SHANK2: variants seen among roughly 807,000 people sequenced by gnomAD.
SHANK2 encodes the protein SH3 and multiple ankyrin repeat domains 2.
A neutral mutation model predicts 133.7 loss-of-function variants in SHANK2; 43 were observed. The observed-to-expected ratio is 0.32, with a 90% CI of 0.25 to 0.41. The LOEUF (loss-of-function observed/expected upper bound fraction) is 0.41, where lower values mean the gene tolerates loss of function less well. SHANK2 is among the 10% of genes least tolerant of loss of function. The pLI is 1.00. For missense variants in SHANK2, 1,994 were observed against 2,235.8 expected, an observed-to-expected ratio of 0.89 and a Z score of 2.18; for synonymous variants, 1,017 against 952.8, an observed-to-expected ratio of 1.07 and a Z score of -1.24.
At chr11:71,063,620 C>T (rs1323826872) in intron 9 of SHANK2, among the ~76,000 whole-genome samples, 2 of 152,164 alleles carry the variant, frequency 1.3e-5, no homozygotes, top group Non-Finnish European at 2.9e-5. Context: ...AACTGTGATC[C>T]AGGAGGTGCT....
At chr11:71,205,983 C>T (rs1044483601) in intron 2 of SHANK2, among the ~76,000 whole-genome samples, 10 of 152,168 alleles carry the variant, frequency 6.6e-5, no homozygotes, top group African/African-American at 2.4e-4. Flanking sequence ...GGGCTGAGCT[C>T]TCATCGGCCC....
intron 17 of SHANK2, among the ~76,000 whole-genome samples, chr11:70,555,421 T>G (rs1411373713): frequency 6.6e-6 from 1 of 152,190 alleles, no homozygotes; most frequent in Non-Finnish European, 1.5e-5. Context: ...AAGTTGTGAA[T>G]GTAAAGGAAA....
chr11:70,843,110 G>A (rs1046731280), intron 11 of SHANK2, among the ~76,000 whole-genome samples: 1 of 152,204 alleles, frequency 6.6e-6, no homozygotes, highest in South Asian at 2.1e-4. Context: ...GCCCAGAGCT[G>A]AGGCTGGAAG....
In SHANK2 at chr11:70,661,643, T is replaced by C; in HGVS notation, c.1889A>G (p.Gln630Arg). ...TCCAAAGCCCTCATTGTCTTTTTTCTGCAGGACCACCGTCTTCTCCTCAAT... is the reference window on the plus strand; with the variant it reads ...TCCAAAGCCCTCATTGTCTTTTTTCCGCAGGACCACCGTCTTCTCCTCAAT... Reference protein sequence around the residue: ...CIIEEKTVVLQKKDNEGFGFV... With the variant: ...CIIEEKTVVLRKKDNEGFGFV... The change falls in exon 16 of 26, where the codon CAG (glutamine) becomes CGG (arginine). Residue 630 changes from glutamine (Q) to arginine (R), a missense_variant. This residue lies in a region of SHANK2 where 14 missense variants were observed against 42.4 expected (regional missense o/e 0.33). Transcript: ENST00000601538. The C allele has an allele frequency of 1.2e-6, 2 of 1,614,096 alleles. No individual in the cohort carries two copies. The highest frequency in any genetic ancestry group is 1.7e-6 in the Non-Finnish European group (2 of 1,180,036).
chr11:70,757,848 G>A (rs1555039291), intron 14 of SHANK2, among the ~76,000 whole-genome samples: 1 of 152,130 alleles, frequency 6.6e-6, no homozygotes. Flanking sequence ...AATGTCCCAG[G>A]GTTGCTACAA....
intron 21 of SHANK2, among the ~76,000 whole-genome samples, chr11:70,499,555 G>GTTAGGTGA (rs2135805710): frequency 6.6e-6 from 1 of 152,358 alleles, no homozygotes; most frequent in East Asian, 1.9e-4. Flanking sequence ...ATCTTCCTCA[G>GTTAGGTGA]TTAGGTGATG....
At chr11:70,755,473 G>A (rs1458578007) in intron 14 of SHANK2, among the ~76,000 whole-genome samples, 1 of 152,228 alleles carries the variant, frequency 6.6e-6, no homozygotes, top group Admixed American at 6.5e-5. Context: ...CCTGCCCTGT[G>A]AGCGTCCAAC....
At chr11:71,127,441 C>T (rs1952213845) in intron 3 of SHANK2, among the ~76,000 whole-genome samples, 1 of 152,116 alleles carries the variant, frequency 6.6e-6, no homozygotes, top group Admixed American at 6.5e-5. Context: ...ACAGAGAAAT[C>T]GTTCGTGAGT....
intron 10 of SHANK2, among the ~76,000 whole-genome samples, chr11:70,953,580 C>T (rs1950875400): frequency 6.6e-6 from 1 of 152,070 alleles, no homozygotes; most frequent in Admixed American, 6.5e-5. Flanking sequence ...AAGCATCCAG[C>T]ATGGGAGGAA....
intron 17 of SHANK2, among the ~76,000 whole-genome samples, chr11:70,592,529 T>G (rs1262776023): frequency 6.6e-6 from 1 of 151,956 alleles, no homozygotes; most frequent in African/African-American, 2.4e-5. Context: ...GGAGTCTTTC[T>G]GAAGGCCGTG....
chr11:70,840,616 G>C (rs1421064110), intron 11 of SHANK2, among the ~76,000 whole-genome samples: 1 of 152,202 alleles, frequency 6.6e-6, no homozygotes, highest in African/African-American at 2.4e-5. Context: ...ACAAATAAAA[G>C]GGCACACAGC....
At chr11:71,157,983 G>A (rs575730105) in intron 2 of SHANK2, among the ~76,000 whole-genome samples, 1 of 152,270 alleles carries the variant, frequency 6.6e-6, no homozygotes, top group Admixed American at 6.5e-5. Flanking sequence ...AAGAGGCCCA[G>A]CCACGGACAG....
At chr11:71,177,646 T>C (rs1555113279) in intron 2 of SHANK2, among the ~76,000 whole-genome samples, 1 of 152,172 alleles carries the variant, frequency 6.6e-6, no homozygotes, top group Non-Finnish European at 1.5e-5. Flanking sequence ...AATAGTAAGA[T>C]GACAGATTTA....
At chr11:70,907,387 G>A (rs781808735) in intron 10 of SHANK2, among the ~76,000 whole-genome samples, 16 of 152,176 alleles carry the variant, frequency 1.1e-4, no homozygotes, top group South Asian at 2.1e-4. Context: ...AGCACTGTGC[G>A]GTGGTCAGGA....
chr11:71,138,790 C>CAA (rs58396625), intron 3 of SHANK2, among the ~76,000 whole-genome samples: 1,857 of 82,868 alleles, frequency 0.022, 32 homozygotes, highest in African/African-American at 0.041. Context: ...GACCCTATCT[C>CAA]AAAAAAAAAA....
At chr11:70,505,056 C>T (rs2059117602) in intron 17 of SHANK2, among the ~76,000 whole-genome samples, 1 of 152,114 alleles carries the variant, frequency 6.6e-6, no homozygotes. Context: ...TTTTGGCCGA[C>T]ACACAAAGAA....
intron 11 of SHANK2, among the ~76,000 whole-genome samples, chr11:70,878,762 C>T (rs1555071860): frequency 2.6e-5 from 4 of 152,192 alleles, no homozygotes; most frequent in African/African-American, 7.2e-5. Context: ...CTCTCTGCTG[C>T]GCTACCCAGG....
Position 70,933,899 on chromosome 11 carries a change from C to CA in SHANK2, c.1108-37333dup, listed in dbSNP as rs35735097. The stretch of plus-strand genomic sequence containing the variant: ...TAGGTGAGAGAGCAAGACTGTGTCT[C>CA]AAAAAAAAAAAAAAACAAAAAACAA... On this transcript the variant is annotated intron_variant, in intron 10 of 25. Transcript: ENST00000601538. Among the ~76,000 whole-genome samples, 527 of 123,860 alleles carry CA rather than the reference C, an allele frequency of 4.3e-3. 3 individuals are homozygous for CA. The highest frequency in any genetic ancestry group is 6.2e-3 in the Non-Finnish European group (372 of 60,160). 81.3% of individuals were successfully genotyped at this position (123,860 alleles called of 152,430 possible).
intron 14 of SHANK2, among the ~76,000 whole-genome samples, chr11:70,702,651 A>C (rs1256244147): frequency 1.3e-5 from 2 of 152,246 alleles, no homozygotes; most frequent in African/African-American, 4.8e-5. Flanking sequence ...CAGAAGACAC[A>C]TTTATCTACT....
Sources: allele counts gnomAD v4.1 joint callset (sites outside exome capture counted in the v4.1 genomes callset), GRCh38; gene constraint gnomAD v4.1.1; regional missense constraint gnomAD v4.1.1; transcripts MANE v1.5; gene names NCBI Gene and HGNC (gene_info 2026-07-23, HGNC 2026-07-21).